The following TEK variants were observed in gnomAD, a reference collection of about 807,000 sequenced individuals.
TEK encodes the protein TEK receptor tyrosine kinase.
TEK carries 43 observed loss-of-function variants against 131.8 expected under a neutral mutation model. The observed-to-expected ratio is 0.33, with a 90% CI of 0.26 to 0.42. The LOEUF is 0.42. TEK is among the 10% of genes least tolerant of loss of function. The probability of loss-of-function intolerance (pLI) is 1.00; values close to 1 mark genes in which losing one functional copy is unlikely to be tolerated. For missense variants in TEK, 1,162 were observed against 1,384.4 expected, an observed-to-expected ratio of 0.84 and a Z score of 2.55; for synonymous variants, 580 against 491.6, an observed-to-expected ratio of 1.18 and a Z score of -2.38.
intron 16 of TEK, 36 bp from the exon 17 acceptor site, chr9:27,212,671 C>T (rs1825679065): frequency 6.2e-7 from 1 of 1,608,762 alleles, no homozygotes; most frequent in African/African-American, 1.3e-5. Flanking sequence ...CTGTTCAGGG[C>T]CACTGATGAG....
chr9:27,109,997 G>A (rs563490208), intron 1 of TEK, among the ~76,000 whole-genome samples: 18 of 149,684 alleles, frequency 1.2e-4, no homozygotes, highest in African/African-American at 3.4e-4. Flanking sequence ...AGAACAAACC[G>A]GTTTTACCTG....
At chr9:27,123,524 A>AC (rs1176099001) in intron 1 of TEK, among the ~76,000 whole-genome samples, 1 of 152,236 alleles carries the variant, frequency 6.6e-6, no homozygotes, top group African/African-American at 2.4e-5. Flanking sequence ...ACCTGGAGTA[A>AC]CAGAATACTG....
Position 27,213,595 on chromosome 9 carries a change from A to T in TEK, c.2989A>T (p.Met997Leu), listed in dbSNP as rs200011475. 2 of 1,608,560 alleles carry T rather than the reference A, an allele frequency of 1.2e-6. No individual in the cohort carries two copies. The highest frequency in any genetic ancestry group is 2.7e-5 in the African/African-American group (2 of 74,854). The change falls in exon 18 of 23, where the codon ATG becomes TTG. Residue 997 changes from methionine (M) to leucine (L), a missense_variant and splice_region_variant. By Grantham distance (15) the Met-to-Leu change is conservative. Transcript: ENST00000380036. ...RGQEVYVKKT[M>L]GRLPVRWMAI... ...TCAAGAGGTGTATGTGAAAAAGACAATGGTAAGTGCCAGACACAGACACTG... is the reference window on the plus strand; with the variant it reads ...TCAAGAGGTGTATGTGAAAAAGACATTGGTAAGTGCCAGACACAGACACTG...
At chr9:27,145,098 C>A (rs1008105529) in intron 1 of TEK, among the ~76,000 whole-genome samples, 12 of 152,166 alleles carry the variant, frequency 7.9e-5, no homozygotes, top group Admixed American at 7.9e-4. Flanking sequence ...TGAGGTTCAG[C>A]TGGCAAAGAC....
At chr9:27,163,002 G>A (rs1042068736) in intron 2 of TEK, among the ~76,000 whole-genome samples, 1 of 152,186 alleles carries the variant, frequency 6.6e-6, no homozygotes, top group Non-Finnish European at 1.5e-5. Flanking sequence ...GCGTGAGCCA[G>A]TGCGCCCAGC....
chr9:27,173,737 G>GTTTTTTTTT (rs35971876), intron 6 of TEK, among the ~76,000 whole-genome samples: 2 of 93,984 alleles, frequency 2.1e-5, no homozygotes, highest in Non-Finnish European at 2.1e-5. Flanking sequence ...TTTTTTTTTG[G>GTTTTTTTTT]TTTTTTTTTT....
intron 12 of TEK, among the ~76,000 whole-genome samples, chr9:27,197,926 T>G (rs1825087100): frequency 6.6e-6 from 1 of 152,196 alleles, no homozygotes; most frequent in Non-Finnish European, 1.5e-5. Context: ...TATATCTACA[T>G]GTACACAGAT....
intron 6 of TEK, among the ~76,000 whole-genome samples, chr9:27,173,960 T>A (rs1003461132): frequency 1.3e-5 from 2 of 151,746 alleles, no homozygotes; most frequent in Admixed American, 6.6e-5. Context: ...AGAGCTTTTA[T>A]GTCAGATCCA....
chr9:27,212,674 C>A, intron 16 of TEK, 33 bp from the exon 17 acceptor site: 1 of 1,612,320 alleles, frequency 6.2e-7, no homozygotes, highest in Non-Finnish European at 8.5e-7. Flanking sequence ...TTCAGGGCCA[C>A]TGATGAGTCG....
At chr9:27,153,203 C>T (rs1266434084) in intron 1 of TEK, among the ~76,000 whole-genome samples, 1 of 152,184 alleles carries the variant, frequency 6.6e-6, no homozygotes, top group Non-Finnish European at 1.5e-5. Context: ...AATCCCAGCA[C>T]TTTGGGAGGC....
intron 9 of TEK, among the ~76,000 whole-genome samples, chr9:27,188,349 A>T (rs747225103): frequency 6.6e-6 from 1 of 152,210 alleles, no homozygotes; most frequent in South Asian, 2.1e-4. Flanking sequence ...TACAATATGT[A>T]TGTTCCATCT....
intron 1 of TEK, among the ~76,000 whole-genome samples, chr9:27,139,212 C>CGAAAAAAA (rs1822625406): frequency 1.7e-5 from 1 of 57,402 alleles, no homozygotes; most frequent in Non-Finnish European, 3.3e-5. Context: ...GACTCTGTCT[C>CGAAAAAAA]AAAAAAAAAA....
intron 1 of TEK, among the ~76,000 whole-genome samples, chr9:27,123,137 C>T (rs531778501): frequency 2.1e-5 from 3 of 144,674 alleles, no homozygotes; most frequent in South Asian, 4.5e-4. Context: ...GGTGCTGTTG[C>T]GAAGCATTTT....
Position 27,213,610 on chromosome 9 carries a change from C to CACAG in TEK, c.2991+17_2991+20dup. On this transcript the variant is annotated intron_variant, in intron 18 of 22. Transcript: ENST00000380036. The stretch of plus-strand genomic sequence containing the variant: ...GAAAAAGACAATGGTAAGTGCCAGA[C>CACAG]ACAGACACTGATCGCATCCTTTCCG... 1 of 1,585,172 alleles carries CACAG rather than the reference C, an allele frequency of 6.3e-7. No homozygotes were observed. The highest frequency in any genetic ancestry group is 1.3e-5 in the African/African-American group (1 of 74,516).
intron 7 of TEK, among the ~76,000 whole-genome samples, chr9:27,182,514 T>G (rs1824421201): frequency 6.6e-6 from 1 of 152,208 alleles, no homozygotes; most frequent in South Asian, 2.1e-4. Flanking sequence ...CATTTCATTC[T>G]AGGCCTGAGA....
In TEK at chr9:27,229,099, C is replaced by T. The variant is rs185756948; in HGVS notation, c.3301-59C>T. ...GAAAACCAAGGTATTGCTGTAACTG[C>T]CGCTGGCAGAGGTGGAATCAAAGCA... is the stretch of plus-strand genomic sequence containing the variant. On this transcript the variant is annotated intron_variant, in intron 22 of 22. Coordinates refer to ENST00000380036, the MANE Select transcript of TEK (RefSeq NM_000459.5). The T allele has an allele frequency of 4.6e-6, 7 of 1,513,444 alleles. No homozygotes were observed. In the East Asian group the frequency reaches 1.4e-4, roughly 29 times the overall value. The allele number at this position is 1,513,444 out of a possible 1,614,324, so 93.8% of individuals were successfully genotyped here. A position where few individuals can be genotyped will look rare whatever the true frequency, so the allele number is the denominator to read the frequency against.
chr9:27,205,972 T>G (rs911751279), intron 14 of TEK, among the ~76,000 whole-genome samples: 7 of 151,850 alleles, frequency 4.6e-5, no homozygotes, highest in African/African-American at 1.2e-4. Flanking sequence ...TTGGGAGTGC[T>G]GAGCCTGTCA....
chr9:27,124,840 C>G (rs1467550422), intron 1 of TEK, among the ~76,000 whole-genome samples: 1 of 152,184 alleles, frequency 6.6e-6, no homozygotes, highest in Admixed American at 6.5e-5. Context: ...TTTAATCCAT[C>G]TAACCATCAA....
Position 27,156,835 on chromosome 9 carries a change from A to C in TEK, c.53-996A>C, listed in dbSNP as rs1156485933. Among the ~76,000 whole-genome samples the C allele has an allele frequency of 2.0e-5, 3 of 152,176 alleles. No homozygotes were observed. The East Asian group carries it at 5.8e-4, about 29-fold the overall frequency. ...CCCTCATCACTCAATTGATTTTTCT[A>C]GTCTCCTGATTGTTTTATGCACATT... On this transcript the variant is annotated intron_variant, in intron 1 of 22. Coordinates refer to ENST00000380036, the MANE Select transcript of TEK (RefSeq NM_000459.5).
Sources: allele counts gnomAD v4.1 joint callset (sites outside exome capture counted in the v4.1 genomes callset), GRCh38; gene constraint gnomAD v4.1.1; transcripts MANE v1.5; gene names NCBI Gene and HGNC (gene_info 2026-07-23, HGNC 2026-07-21).